The following LRRTM3 variants were observed in gnomAD, a reference collection of about 807,000 sequenced individuals.
The protein encoded by LRRTM3 is leucine rich repeat transmembrane neuronal 3.
Under a neutral mutation model 44.7 loss-of-function variants are expected in LRRTM3, and 24 were observed. The observed-to-expected ratio is 0.54, with a 90% CI of 0.39 to 0.76. The LOEUF (loss-of-function observed/expected upper bound fraction) is 0.76. Ranked by LOEUF, LRRTM3 falls within the 30% of genes least tolerant of loss-of-function variation. The pLI is 0.00. For missense variants in LRRTM3, 587 were observed against 702.2 expected (o/e 0.84, Z 1.85); for synonymous variants, 277 against 278.7 (o/e 0.99, Z 0.06).
At position 66,935,603 on chromosome 10, in the gene LRRTM3, C is replaced by A. The variant is rs560903740; in HGVS notation, c.1536+7151C>A. ...ATTACATACGTATTTGTATTTCCACCAAGGTACGTATGTTGTACATGCCTA... is the reference window on the plus strand; with the variant it reads ...ATTACATACGTATTTGTATTTCCACAAAGGTACGTATGTTGTACATGCCTA... On this transcript the variant is annotated intron_variant, in intron 2 of 2. Transcript: ENST00000361320. 4.4e-4 allele frequency among the ~76,000 whole-genome samples: 67 copies of A among 151,946 alleles called. No individual in the cohort carries two copies. The South Asian group carries it at 0.014, about 31-fold the overall frequency.
Position 66,928,028 on chromosome 10 carries a change from T to C in LRRTM3, c.1112T>C (p.Leu371Pro). ...AAAAGTACTACAGAGAGGTTTGATC[T>C]GGCCAGGGCTCTCCCAAAGCCGACG... ...CGKSTTERFD[L>P]ARALPKPTFK... The change falls in exon 2 of 3, where the codon CTG becomes CCG. Residue 371 changes from leucine to proline, a missense_variant. Physicochemically the swap from Leu to Pro is moderately conservative, Grantham distance 98 (BLOSUM62 -3). Transcript: ENST00000361320. The C allele has an allele frequency of 1.2e-6, 2 of 1,614,128 alleles. No homozygotes were observed. The highest frequency in any genetic ancestry group is 1.1e-5 in the South Asian group (1 of 91,086).
At chr10:66,942,441 A>T (rs1242640217) in intron 2 of LRRTM3, among the ~76,000 whole-genome samples, 1 of 152,126 alleles carries the variant, frequency 6.6e-6, no homozygotes, top group Non-Finnish European at 1.5e-5. Flanking sequence ...TTCTGTTGTT[A>T]GTATTGTGTT....
At position 66,927,441 on chromosome 10, in the gene LRRTM3, A is replaced by C. The variant is rs1847142142; in HGVS notation, c.525A>C (p.Arg175=). The C allele has an allele frequency of 6.2e-7, 1 of 1,614,144 alleles. No homozygotes were observed. Among genetic ancestry groups the C allele is most frequent in the Non-Finnish European group, 8.5e-7 (1 of 1,180,044 alleles). Residue 175 remains arginine (R), a synonymous_variant, in exon 2 of 3, where the codon CGA becomes CGC. Transcript: ENST00000361320. This position sits in a 1 kb window ranked among gnomAD's most constrained non-coding sequence, Gnocchi z 4.7. ...ACTCCCTGAGAACCATCCCTGTGCG[A>C]ATATTCCAAGACTGCCGCAACCTGG... The part of the protein sequence containing the change: ...RSNSLRTIPV[R]IFQDCRNLEL...
intron 2 of LRRTM3, among the ~76,000 whole-genome samples, chr10:66,957,455 TGC>T (rs1484023775): frequency 2.4e-4 from 11 of 46,530 alleles, no homozygotes; most frequent in East Asian, 1.1e-3. Context: ...TATATATATA[TGC>T]ATATATATAT....
intron 2 of LRRTM3, among the ~76,000 whole-genome samples, chr10:67,025,614 A>G (rs1438183497): frequency 1.3e-5 from 2 of 152,168 alleles, no homozygotes; most frequent in Non-Finnish European, 2.9e-5. Flanking sequence ...CCCCTGGAGG[A>G]AGAATATTTT....
intron 2 of LRRTM3, among the ~76,000 whole-genome samples, chr10:67,010,174 CAGA>C (rs1307211946): frequency 6.6e-6 from 1 of 152,076 alleles, no homozygotes; most frequent in African/African-American, 2.4e-5. Flanking sequence ...TGCACTAAAG[CAGA>C]AGATTACACA....
Position 67,097,915 on chromosome 10 carries a change from A to AT in LRRTM3, c.*120dup. 1.2e-6 allele frequency: 1 copy of AT among 838,532 alleles called. No individual in the cohort carries two copies. The allele number at this position is 838,532 out of a possible 1,614,324, so 51.9% of individuals were successfully genotyped here. The stretch of plus-strand genomic sequence containing the variant: ...ACAAAACACAAAATCCCCTGTTCAA[A>AT]TAAACAAAAAATCCAAGATTGATTC... On this transcript the variant is annotated 3_prime_UTR_variant, in exon 3 of 3. Transcript: ENST00000361320.
At chr10:66,948,069 G>A (rs1428784557) in intron 2 of LRRTM3, among the ~76,000 whole-genome samples, 5 of 152,156 alleles carry the variant, frequency 3.3e-5, no homozygotes, top group Non-Finnish European at 7.4e-5. Flanking sequence ...TCTAAACATA[G>A]AAAAGGTAGG....
intron 2 of LRRTM3, among the ~76,000 whole-genome samples, chr10:67,001,286 T>A (rs1454600400): frequency 1.5e-5 from 2 of 134,526 alleles, no homozygotes; most frequent in Non-Finnish European, 3.1e-5. Context: ...GACGACAGAG[T>A]GAGACTCTGT....
chr10:67,018,532 T>A (rs1852801159), intron 2 of LRRTM3, among the ~76,000 whole-genome samples: 1 of 152,214 alleles, frequency 6.6e-6, no homozygotes, highest in South Asian at 2.1e-4. Context: ...GACCTTTAAA[T>A]AAGGTTTCAA....
At chr10:66,983,052 TC>T (rs1247692823) in intron 2 of LRRTM3, among the ~76,000 whole-genome samples, 1 of 152,232 alleles carries the variant, frequency 6.6e-6, no homozygotes, top group Non-Finnish European at 1.5e-5. Context: ...CTGCCGAACT[TC>T]CTGGTCAAGC....
intron 2 of LRRTM3, among the ~76,000 whole-genome samples, chr10:66,987,508 A>AATTT (rs1316676571): frequency 6.6e-6 from 1 of 152,142 alleles, no homozygotes; most frequent in African/African-American, 2.4e-5. Context: ...TTGTTTGTTT[A>AATTT]ATTTATTTTC....
chr10:67,019,605 A>T (rs1015414989), intron 2 of LRRTM3, among the ~76,000 whole-genome samples: 49 of 152,344 alleles, frequency 3.2e-4, no homozygotes, highest in African/African-American at 1.1e-3. Context: ...TGGAGTACAA[A>T]GAGGTTGAGT....
At chr10:67,016,553 T>C (rs908559353) in intron 2 of LRRTM3, among the ~76,000 whole-genome samples, 5 of 152,068 alleles carry the variant, frequency 3.3e-5, no homozygotes, top group African/African-American at 1.2e-4. Flanking sequence ...TCCCTACCAT[T>C]CTAGAGTCTC....
chr10:66,960,865 G>A (rs947996073), intron 2 of LRRTM3, among the ~76,000 whole-genome samples: 15 of 152,126 alleles, frequency 9.9e-5, no homozygotes, highest in African/African-American at 3.1e-4. Flanking sequence ...CATAGGAGAA[G>A]GAAAGGATCT....
chr10:67,019,795 C>T (rs574129611), intron 2 of LRRTM3, among the ~76,000 whole-genome samples: 12 of 152,262 alleles, frequency 7.9e-5, no homozygotes, highest in African/African-American at 2.9e-4. Flanking sequence ...ACTTTTGATG[C>T]TCCTTACTCA....
intron 2 of LRRTM3, among the ~76,000 whole-genome samples, chr10:67,056,147 A>ACTGT (rs1855415715): frequency 6.6e-6 from 1 of 152,162 alleles, no homozygotes; most frequent in African/African-American, 2.4e-5. Context: ...TGAAATACAT[A>ACTGT]CTGTCGCCCA....
chr10:67,000,396 T>C (rs917195063), intron 2 of LRRTM3, among the ~76,000 whole-genome samples: 8 of 152,170 alleles, frequency 5.3e-5, no homozygotes, highest in African/African-American at 1.9e-4. Flanking sequence ...GAAGGTTAAA[T>C]GCAGGAGAAA....
chr10:66,980,215 T>C (rs964503275), intron 2 of LRRTM3, among the ~76,000 whole-genome samples: 72 of 152,308 alleles, frequency 4.7e-4, no homozygotes, highest in African/African-American at 1.7e-3. Context: ...AACCAGTCTT[T>C]CCTCCCCTGA....
Sources: gnomAD v4.1 joint callset for allele counts (sites outside exome capture counted in the v4.1 genomes callset) on GRCh38, gnomAD v4.1.1 for gene constraint, Gnocchi (gnomAD v3.1) non-coding constraint, MANE v1.5 for transcripts, NCBI Gene and HGNC (gene_info 2026-07-23, HGNC 2026-07-21) for gene names.